Variants in RPS6KA5 observed in about 807,000 individuals in gnomAD.
RPS6KA5 encodes ribosomal protein S6 kinase A5.
Under a neutral mutation model 85.5 loss-of-function variants are expected in RPS6KA5, and 27 were observed. The ratio of observed to expected loss-of-function variants is 0.32; its 90% CI spans 0.23 to 0.44. The LOEUF is 0.44. Ranked by LOEUF, RPS6KA5 falls within the 20% of genes least tolerant of loss-of-function variation. The pLI is 1.00. For missense variants in RPS6KA5, 811 were observed against 980.9 expected (o/e 0.83, Z 2.31); for synonymous variants, 334 against 348.2 (o/e 0.96, Z 0.46).
chr14:90,966,080 C>T (rs1013060092), intron 3 of RPS6KA5, among the ~76,000 whole-genome samples: 3 of 151,940 alleles, frequency 2.0e-5, no homozygotes, highest in African/African-American at 7.3e-5. Flanking sequence ...AATACTGGTA[C>T]TAAAGTTGTA....
At chr14:90,992,459 GTA>G in intron 2 of RPS6KA5, among the ~76,000 whole-genome samples, 2 of 152,344 alleles carry the variant, frequency 1.3e-5, no homozygotes, top group East Asian at 3.9e-4. Flanking sequence ...CAGTGCAGAT[GTA>G]TAATAGATAA....
chr14:90,988,885 A>G lies in RPS6KA5; in HGVS notation c.176-10361T>C, dbSNP rs1023229742. Among the ~76,000 whole-genome samples the G allele has an allele frequency of 7.2e-4, 109 of 152,362 alleles. 1 individual carries two copies. Among genetic ancestry groups the G allele is most frequent in the African/African-American group, 2.5e-3 (105 of 41,580 alleles). On this transcript the variant is annotated intron_variant, in intron 2 of 16. Transcript: ENST00000614987. ...TTTGACATGTTATGCTTAAGGTAAC[A>G]TACAAATCAACTTCTTGTAAATGCT...
At chr14:90,940,523 G>GTTTAGTTTTGAGTCCTAACAT in intron 5 of RPS6KA5, among the ~76,000 whole-genome samples, 1 of 152,118 alleles carries the variant, frequency 6.6e-6, no homozygotes, top group East Asian at 1.9e-4. Context: ...TTATTTGTTT[G>GTTTAGTTTTGAGTCCTAACAT]TTTAGTTTTG....
chr14:90,870,588 C>T lies in RPS6KA5; in HGVS notation c.*1486G>A, dbSNP rs1292807391. On this transcript the variant is annotated 3_prime_UTR_variant, in exon 17 of 17. Transcript: ENST00000614987. The stretch of plus-strand genomic sequence containing the variant: ...TATTCATAACTGGTTGAAATTAATG[C>T]TGCTATAACCTCAAGAAAGGAATAA... 6.6e-6 allele frequency: 1 copy of T among 151,896 alleles called. No individual in the cohort carries two copies. Among genetic ancestry groups the T allele is most frequent in the Non-Finnish European group, 1.5e-5 (1 of 67,946 alleles). The allele number at this position is 151,896 out of a possible 1,614,324, so 9.4% of individuals were successfully genotyped here.
intron 5 of RPS6KA5, among the ~76,000 whole-genome samples, chr14:90,924,825 C>G (rs974708176): frequency 2.5e-4 from 38 of 152,106 alleles, no homozygotes; most frequent in African/African-American, 8.2e-4. Flanking sequence ...GGGAGGAATC[C>G]CAATAGTAAC....
At chr14:91,001,210 A>C (rs1371820542) in intron 1 of RPS6KA5, 51 bp from the exon 2 acceptor site, 4 of 1,195,146 alleles carry the variant, frequency 3.3e-6, no homozygotes, top group Non-Finnish European at 4.9e-6. Flanking sequence ...CAATAGAAGG[A>C]GGCTCCTGGG....
At chr14:90,988,892 T>C (rs1178533200) in intron 2 of RPS6KA5, among the ~76,000 whole-genome samples, 1 of 152,214 alleles carries the variant, frequency 6.6e-6, no homozygotes, top group Non-Finnish European at 1.5e-5. Flanking sequence ...AACATACAAA[T>C]CAACTTCTTG....
chr14:91,014,518 A>G (rs1006199931), intron 1 of RPS6KA5, among the ~76,000 whole-genome samples: 6 of 151,688 alleles, frequency 4.0e-5, no homozygotes, highest in Non-Finnish European at 8.8e-5. Context: ...AAAAAAAACA[A>G]AAAACAAAAA....
At chr14:90,910,555 G>C (rs576181052) in intron 7 of RPS6KA5, among the ~76,000 whole-genome samples, 1 of 151,426 alleles carries the variant, frequency 6.6e-6, no homozygotes, top group Non-Finnish European at 1.5e-5. Flanking sequence ...ATGAAGCTTT[G>C]TACATGTGTT....
intron 3 of RPS6KA5, among the ~76,000 whole-genome samples, chr14:90,970,911 TA>T (rs5810525): frequency 6.7e-5 from 10 of 149,528 alleles, no homozygotes; most frequent in African/African-American, 1.2e-4. Flanking sequence ...GTTGTTGAAT[TA>T]AAAAAAAAAA....
intron 1 of RPS6KA5, among the ~76,000 whole-genome samples, chr14:91,020,583 T>TGTGTGTGTG (rs2041713314): frequency 8.2e-6 from 1 of 121,892 alleles, no homozygotes; most frequent in African/African-American, 3.2e-5. Flanking sequence ...TGTGTGTGTG[T>TGTGTGTGTG]TTATATGTGT....
At chr14:90,925,224 A>G (rs2036593963) in intron 5 of RPS6KA5, among the ~76,000 whole-genome samples, 2 of 152,180 alleles carry the variant, frequency 1.3e-5, no homozygotes, top group Non-Finnish European at 2.9e-5. Flanking sequence ...TACAGGTCTC[A>G]GCAATCCAGA....
chr14:91,059,936 T>A (rs1378519845), intron 1 of RPS6KA5: 3 of 716,284 alleles, frequency 4.2e-6, no homozygotes, highest in Non-Finnish European at 5.1e-6. Context: ...AGGGAGACAC[T>A]CTCCAAAACA....
Position 90,879,678 on chromosome 14 carries a change from C to G in RPS6KA5, c.1837-4318G>C, listed in dbSNP as rs570838404. ...CTGCTCTCTTTTCCTCAGTCCTGCA[C>G]CCTTGGGATTATGCTCTTTAATAAC... On this transcript the variant is annotated intron_variant, in intron 14 of 16. Transcript: ENST00000614987. 1.3e-5 allele frequency among the ~76,000 whole-genome samples: 2 copies of G among 152,266 alleles called. 1 individual carries two copies. Among genetic ancestry groups the G allele is most frequent in the South Asian group, 4.2e-4 (2 of 4,814 alleles).
chr14:91,035,279 G>C (rs1443224968), intron 1 of RPS6KA5, among the ~76,000 whole-genome samples: 1 of 151,736 alleles, frequency 6.6e-6, no homozygotes, highest in Non-Finnish European at 1.5e-5. Flanking sequence ...CTAGGAGACA[G>C]AGTATTACAA....
rs11312699 is a variant in RPS6KA5 at position 90,885,741 on chromosome 14, C to CAAAAA, written c.1836+4741_1836+4745dup. Among the ~76,000 whole-genome samples the CAAAAA allele has an allele frequency of 4.8e-3, 135 of 27,890 alleles. 7 individuals are homozygous for CAAAAA. Among genetic ancestry groups the CAAAAA allele is most frequent in the African/African-American group, 8.2e-3 (46 of 5,644 alleles). 18.3% of individuals were successfully genotyped at this position (27,890 alleles called of 152,430 possible). On this transcript the variant is annotated intron_variant, in intron 14 of 16. Transcript: ENST00000614987. ...TGGGTGACAGAGCAAGACTCCATCT[C>CAAAAA]AAAAAAAAAAAAAAAAAAAAAAAAA...
At chr14:90,957,087 CAG>C (rs1566791135) in intron 3 of RPS6KA5, among the ~76,000 whole-genome samples, 1 of 150,402 alleles carries the variant, frequency 6.6e-6, no homozygotes, top group Non-Finnish European at 1.5e-5. Context: ...TTTTTTGAGA[CAG>C]AGTCTCACTC....
At chr14:90,938,229 A>G in intron 5 of RPS6KA5, among the ~76,000 whole-genome samples, 1 of 152,222 alleles carries the variant, frequency 6.6e-6, no homozygotes, top group East Asian at 1.9e-4. Flanking sequence ...CTTTGACTCC[A>G]TGTCTCACAT....
chr14:90,900,680 G>C lies in RPS6KA5; in HGVS notation c.1176C>G (p.Asp392Glu). The C allele has an allele frequency of 6.2e-7, 1 of 1,613,788 alleles. No homozygotes were observed. Among genetic ancestry groups the C allele is most frequent in the Non-Finnish European group, 8.5e-7 (1 of 1,179,730 alleles). The change falls in exon 10 of 17, where the codon GAC becomes GAG. Residue 392 changes from aspartate (D) to glutamate (E), a missense_variant. Coordinates refer to ENST00000614987, the MANE Select transcript of RPS6KA5 (RefSeq NM_004755.4). ...CAACTCCCATGTGAAACTGAAGAGG[G>C]TCTATGACAGCTGCATTACGCTTGA... ...ILFKRNAAVIDPLQFHMGVER... is the reference protein window; with the variant it reads ...ILFKRNAAVIEPLQFHMGVER...
Sources: allele counts gnomAD v4.1 joint callset (sites outside exome capture counted in the v4.1 genomes callset), GRCh38; gene constraint gnomAD v4.1.1; transcripts MANE v1.5; gene names NCBI Gene and HGNC (gene_info 2026-07-23, HGNC 2026-07-21).